Variants in HSPA13 observed in about 807,000 individuals in gnomAD.
HSPA13 encodes the protein heat shock protein family A (Hsp70) member 13.
HSPA13 carries 29 observed loss-of-function variants against 38.8 expected under a neutral mutation model. The ratio of observed to expected loss-of-function variants is 0.75; its 90% CI spans 0.56 to 1.02. HSPA13 has a LOEUF of 1.02. HSPA13 is among the 50% of genes least tolerant of loss of function. The pLI, the probability that HSPA13 is intolerant of heterozygous loss-of-function variation, is 0.00. For missense variants in HSPA13, 451 were observed against 560.9 expected (o/e 0.80, Z 1.98); for synonymous variants, 192 against 205.3 (o/e 0.94, Z 0.56).
intron 4 of HSPA13, among the ~76,000 whole-genome samples, chr21:14,375,096 A>C (rs896130236): frequency 2.0e-5 from 3 of 152,232 alleles, no homozygotes; most frequent in African/African-American, 7.2e-5. Context: ...AGAATGCATA[A>C]TCCTATCATT....
chr21:14,378,867 C>T (rs1600805829), intron 2 of HSPA13, among the ~76,000 whole-genome samples: 1 of 152,012 alleles, frequency 6.6e-6, no homozygotes, highest in East Asian at 1.9e-4. Flanking sequence ...ATCCGCTCAC[C>T]TCAGCCTCCC....
intron 4 of HSPA13, among the ~76,000 whole-genome samples, chr21:14,375,049 T>C (rs1300513572): frequency 2.0e-5 from 3 of 152,198 alleles, no homozygotes; most frequent in Non-Finnish European, 4.4e-5. Flanking sequence ...TCCCTTAAGC[T>C]AAATTCGACA....
chr21:14,371,959 C>T lies in HSPA13; in HGVS notation c.*1658G>A, dbSNP rs1238972329. ...TCTCCATTCATTCTAAAATAAGATA[C>T]TTCAACAAACATTTTATACTTTTCT... is the stretch of plus-strand genomic sequence containing the variant. On this transcript the variant is annotated 3_prime_UTR_variant, in exon 5 of 5. Coordinates refer to ENST00000285667, the MANE Select transcript of HSPA13 (RefSeq NM_006948.5). 1.3e-5 allele frequency: 2 copies of T among 152,462 alleles called. No homozygotes were observed. Among genetic ancestry groups the T allele is most frequent in the Admixed American group, 6.5e-5 (1 of 15,268 alleles). 9.4% of individuals were successfully genotyped at this position (152,462 alleles called of 1,614,324 possible). A position where few individuals can be genotyped will look rare whatever the true frequency, so the allele number is the denominator to read the frequency against.
rs1259616448 is a variant in HSPA13, at chr21:14,373,459, C to A, written c.*158G>T. The A allele has an allele frequency of 6.3e-6, 4 of 631,414 alleles. No homozygotes were observed. The highest frequency in any genetic ancestry group is 1.1e-5 in the Non-Finnish European group (4 of 368,692). The allele number at this position is 631,414 out of a possible 1,614,324, so 39.1% of individuals were successfully genotyped here. A position where few individuals can be genotyped will look rare whatever the true frequency, so the allele number is the denominator to read the frequency against. ...CAGGATCAATCTGGTCACGTCTAAT[C>A]CTAAGACAAAACACTATGTAAAATT... On this transcript the variant is annotated 3_prime_UTR_variant, in exon 5 of 5. Transcript: ENST00000285667.
At chr21:14,382,900 G>C (rs1412351294) in intron 1 of HSPA13, among the ~76,000 whole-genome samples, 195 bp downstream of exon 1, 1 of 152,058 alleles carries the variant, frequency 6.6e-6, no homozygotes, top group Non-Finnish European at 1.5e-5. Context: ...TGGCCTGCAG[G>C]GGCCGGGGCC....
intron 3 of HSPA13, 35 bp from the exon 4 acceptor site, chr21:14,375,854 G>C (rs1473174505): frequency 1.9e-6 from 3 of 1,578,334 alleles, no homozygotes; most frequent in Admixed American, 1.7e-5. Context: ...AAATTCATGA[G>C]AGGATGCGAT....
At chr21:14,374,633 G>T (rs1983973745) in intron 4 of HSPA13, among the ~76,000 whole-genome samples, 1 of 151,964 alleles carries the variant, frequency 6.6e-6, no homozygotes. Context: ...ACCCAAATAA[G>T]TACTATTTAA....
chr21:14,379,785 A>T (rs28417928), intron 2 of HSPA13, among the ~76,000 whole-genome samples: 23,707 of 152,180 alleles, frequency 0.16, 2,053 homozygotes, highest in Middle Eastern at 0.23. Context: ...TTATTCAATA[A>T]GCAGCACTGA....
At position 14,373,452 on chromosome 21, in the gene HSPA13, G is replaced by A. The variant is rs1982875006; in HGVS notation, c.*165C>T. The stretch of plus-strand genomic sequence containing the variant: ...AATCAAACAGGATCAATCTGGTCAC[G>A]TCTAATCCTAAGACAAAACACTATG... On this transcript the variant is annotated 3_prime_UTR_variant, in exon 5 of 5. Coordinates refer to ENST00000285667, the MANE Select transcript of HSPA13 (RefSeq NM_006948.5). 3.6e-5 allele frequency: 22 copies of A among 614,192 alleles called. 1 individual carries two copies. The highest frequency in any genetic ancestry group is 3.4e-4 in the South Asian group (16 of 47,330). The allele number at this position is 614,192 out of a possible 1,614,324, so 38.0% of individuals were successfully genotyped here. A position where few individuals can be genotyped will look rare whatever the true frequency, so the allele number is the denominator to read the frequency against.
At chr21:14,375,034 T>C (rs1038204836) in intron 4 of HSPA13, among the ~76,000 whole-genome samples, 3 of 152,112 alleles carry the variant, frequency 2.0e-5, no homozygotes, top group Admixed American at 2.0e-4. Context: ...GTCAAACAGG[T>C]TGAATCCCTT....
intron 2 of HSPA13, among the ~76,000 whole-genome samples, chr21:14,379,179 T>C (rs1263786793): frequency 7.8e-6 from 1 of 127,668 alleles, no homozygotes; most frequent in Non-Finnish European, 1.8e-5. Flanking sequence ...TATGTACTTA[T>C]CCAAGAATCA....
rs1165330296 is a variant in HSPA13 at position 14,372,098 on chromosome 21, T to C, written c.*1519A>G. ...TTAGATATGAAAAATATTAGTAACA[T>C]TCAGCTTTTTACTATGAGAAGCTGA... On this transcript the variant is annotated 3_prime_UTR_variant, in exon 5 of 5. Coordinates refer to ENST00000285667, the MANE Select transcript of HSPA13 (RefSeq NM_006948.5). 6.6e-6 allele frequency: 1 copy of C among 152,072 alleles called. No homozygotes were observed. Among genetic ancestry groups the C allele is most frequent in the Non-Finnish European group, 1.5e-5 (1 of 67,940 alleles). 9.4% of individuals were successfully genotyped at this position (152,072 alleles called of 1,614,324 possible). A position where few individuals can be genotyped will look rare whatever the true frequency, so the allele number is the denominator to read the frequency against.
intron 3 of HSPA13, among the ~76,000 whole-genome samples, chr21:14,376,417 A>C (rs1249014032): frequency 1.3e-5 from 2 of 152,206 alleles, no homozygotes; most frequent in Non-Finnish European, 2.9e-5. Context: ...CGTCTCAAAA[A>C]ATAAAAAAAA....
Position 14,374,219 on chromosome 21 carries a change from A to G in HSPA13, c.814T>C (p.Tyr272His), listed in dbSNP as rs1449780663. 1 of 1,612,662 alleles carries G rather than the reference A, an allele frequency of 6.2e-7. No individual in the cohort carries two copies. The highest frequency in any genetic ancestry group is 8.5e-7 in the Non-Finnish European group (1 of 1,179,880). ...RLLQYLYKQI[Y>H]QTYGFVPSRK... ...GAGGGCACGAAGCCATATGTTTGAT[A>G]GATCTGTTTATATAAGTACTGAAGC... Residue 272 changes from tyrosine (Y) to histidine (H), a missense_variant, in exon 5 of 5, where the codon TAT (tyrosine) becomes CAT (histidine). Transcript: ENST00000285667.
At chr21:14,378,907 C>T (rs986617053) in intron 2 of HSPA13, among the ~76,000 whole-genome samples, 6 of 151,972 alleles carry the variant, frequency 3.9e-5, no homozygotes, top group Non-Finnish European at 7.4e-5. Flanking sequence ...TGAAAGCCAC[C>T]GTGCTTGGCC....
chr21:14,374,494 C>T (rs1983967043), intron 4 of HSPA13, among the ~76,000 whole-genome samples: 1 of 152,122 alleles, frequency 6.6e-6, no homozygotes. Context: ...CTTTGGAAGG[C>T]TGAGGTGGGA....
At chr21:14,378,445 T>C in intron 2 of HSPA13, 33 bp from the exon 3 acceptor site, 2 of 1,352,968 alleles carry the variant, frequency 1.5e-6, no homozygotes, top group South Asian at 2.4e-5. Flanking sequence ...AGTAAATAAA[T>C]AAAAGAGTAA....
chr21:14,380,562 T>C (rs1348324155), intron 2 of HSPA13, among the ~76,000 whole-genome samples: 1 of 152,066 alleles, frequency 6.6e-6, no homozygotes, highest in Non-Finnish European at 1.5e-5. Flanking sequence ...TAAGAGCATA[T>C]AACCTTTCTG....
Position 14,373,656 on chromosome 21 carries a change from TTC to T in HSPA13, c.1375_1376del (p.Glu459AsnfsTer4), listed in dbSNP as rs1401875496. 6.2e-7 allele frequency: 1 copy of T among 1,612,638 alleles called. No homozygotes were observed. On this transcript the variant is annotated frameshift_variant, in exon 5 of 5. Transcript: ENST00000285667. LOFTEE classifies it high-confidence loss of function. ...TTTTTTGTAAATGCTTATTGGGAAT[TTC>T]TAAAGCACTGACTTGGAGAGGCCAA... ...GSWPLQVSALEIPNKHLQKTN... is the reference protein window; with the variant it reads ...GSWPLQVSALXIPNKHLQKTN...
Sources: allele counts gnomAD v4.1 joint callset (sites outside exome capture counted in the v4.1 genomes callset), GRCh38; gene constraint gnomAD v4.1.1; transcripts MANE v1.5; gene names NCBI Gene and HGNC (gene_info 2026-07-23, HGNC 2026-07-21).